Variants in EPS8L2 observed in about 807,000 individuals in gnomAD.
EPS8L2 encodes EPS8 signaling adaptor L2, also known as epidermal growth factor receptor kinase substrate 8-like protein 2.
A neutral mutation model predicts 99.4 loss-of-function variants in EPS8L2; 81 were observed. That is an observed-to-expected ratio of 0.82 (90% CI 0.68 to 0.98). EPS8L2 has a LOEUF of 0.98. Among genes scored for constraint, EPS8L2 ranks in the 50% least tolerant of loss-of-function variants. The pLI is 0.00. For synonymous variants in EPS8L2, 509 were observed against 407.3 expected, an observed-to-expected ratio of 1.25 and a Z score of -3.01; for missense variants, 1,155 against 968.8, an observed-to-expected ratio of 1.19 and a Z score of -2.55.
chr11:726,765 C>A lies in EPS8L2; in HGVS notation c.2067+14C>A. On this transcript the variant is annotated intron_variant, in intron 20 of 20. Transcript: ENST00000318562. ...GCCTTCCTGGAGGTGAGCCCGCCTG[C>A]GCTCCGGCGCCACGCCCCTCCTGCC... 1 of 1,584,520 alleles carries A rather than the reference C, an allele frequency of 6.3e-7. No individual in the cohort carries two copies. Among genetic ancestry groups the A allele is most frequent in the Non-Finnish European group, 8.6e-7 (1 of 1,167,056 alleles).
rs1862274532 is a variant in EPS8L2, at chr11:724,869, G to T, written c.1560+40G>T. Reference sequence around the variant, plus strand: ...GACGGGGTCCAAGAGGGGGAAACAGGGCAGGGCTTCAAGGGAGGGGCTACC... The same window carrying T: ...GACGGGGTCCAAGAGGGGGAAACAGTGCAGGGCTTCAAGGGAGGGGCTACC... On this transcript the variant is annotated intron_variant, in intron 16 of 20. Transcript: ENST00000318562. This position sits in a 1 kb window ranked among gnomAD's most constrained non-coding sequence, Gnocchi z 5.5. 1.3e-6 allele frequency: 2 copies of T among 1,496,054 alleles called. No homozygotes were observed. The highest frequency in any genetic ancestry group is 3.4e-5 in the Admixed American group (2 of 59,314). 92.7% of individuals were successfully genotyped at this position (1,496,054 alleles called of 1,614,324 possible).
chr11:720,464 C>T, intron 5 of EPS8L2, 133 bp from the exon 6 acceptor site: 3 of 1,413,560 alleles, frequency 2.1e-6, no homozygotes. Flanking sequence ...CGGGCCTAGT[C>T]CTCATCTTTG....
chr11:709,923 A>AG, intron 3 of EPS8L2: 1 of 475,926 alleles, frequency 2.1e-6, no homozygotes, highest in South Asian at 2.3e-5. Flanking sequence ...CTGCTCCAGG[A>AG]GGGGGGCCTG....
chr11:707,872 G>C (rs1272401495), intron 1 of EPS8L2, among the ~76,000 whole-genome samples: 2 of 152,144 alleles, frequency 1.3e-5, no homozygotes, highest in Admixed American at 1.3e-4. Context: ...CACGTGCCTG[G>C]CGCCCTTGGT....
intron 4 of EPS8L2, among the ~76,000 whole-genome samples, chr11:712,794 C>G (rs1861924392): frequency 6.6e-6 from 1 of 152,238 alleles, no homozygotes; most frequent in Non-Finnish European, 1.5e-5. Context: ...GCCCTCCCAG[C>G]AGCCTGGGCA....
At chr11:723,998 G>A (rs568094954) in intron 15 of EPS8L2, among the ~76,000 whole-genome samples, 3 of 152,264 alleles carry the variant, frequency 2.0e-5, no homozygotes, top group South Asian at 2.1e-4. Context: ...CCTGGCTCCC[G>A]TGGTCCCTGG....
At chr11:719,288 G>A (rs1242309655) in intron 4 of EPS8L2, among the ~76,000 whole-genome samples, 2 of 152,206 alleles carry the variant, frequency 1.3e-5, no homozygotes, top group African/African-American at 4.8e-5. Context: ...TATGTTTTGC[G>A]TTTTGTGGTT....
At chr11:721,827 G>A in intron 10 of EPS8L2, 76 bp from the exon 11 acceptor site, 1 of 1,515,640 alleles carries the variant, frequency 6.6e-7, no homozygotes, top group Non-Finnish European at 9.0e-7. Flanking sequence ...CCACACAGAT[G>A]GGCTGCGTGG....
At chr11:725,520 AAG>A (rs1862289243) in intron 16 of EPS8L2, among the ~76,000 whole-genome samples, 1 of 152,072 alleles carries the variant, frequency 6.6e-6, no homozygotes, top group Non-Finnish European at 1.5e-5. Context: ...CCGAGAAAAA[AAG>A]GGTCCCCCAG....
rs758150250 is a variant in EPS8L2, at chr11:726,499, G to A, written c.1934+15G>A. 74 of 1,540,088 alleles carry A rather than the reference G, an allele frequency of 4.8e-5. No homozygotes were observed. Among genetic ancestry groups the A allele is most frequent in the Non-Finnish European group, 6.1e-5 (70 of 1,142,388 alleles). On this transcript the variant is annotated intron_variant, in intron 19 of 20. Coordinates refer to ENST00000318562, the MANE Select transcript of EPS8L2 (RefSeq NM_022772.4). ...TTCAGCCCGCGGTGAGCGGGGGCGG[G>A]GGATGAGCTGGGGCCCGGGCGAGGG...
Position 727,138 on chromosome 11 carries a change from C to G in EPS8L2, c.*157C>G. 1.6e-6 allele frequency: 1 copy of G among 613,706 alleles called. No homozygotes were observed. The highest frequency in any genetic ancestry group is 2.9e-6 in the Non-Finnish European group (1 of 346,898). 38.0% of individuals were successfully genotyped at this position (613,706 alleles called of 1,614,324 possible). On this transcript the variant is annotated 3_prime_UTR_variant, in exon 21 of 21. Transcript: ENST00000318562. ...CCTGTCTGGAGGCACAACGCCCATC[C>G]TTAGGCCAAACAGTACCCAAGGCCT...
At chr11:713,738 G>T (rs1028572706) in intron 4 of EPS8L2, among the ~76,000 whole-genome samples, 10 of 152,230 alleles carry the variant, frequency 6.6e-5, no homozygotes, top group South Asian at 2.1e-4. Flanking sequence ...CAGAGATGGG[G>T]TTTCACCATG....
In EPS8L2 at chr11:722,482, C is replaced by G. The variant is rs377264227; in HGVS notation, c.1141C>G (p.Arg381Gly). 2 of 1,613,362 alleles carry G rather than the reference C, an allele frequency of 1.2e-6. No homozygotes were observed. The highest frequency in any genetic ancestry group is 1.7e-6 in the Non-Finnish European group (2 of 1,179,952). Residue 381 changes from arginine to glycine, a missense_variant, in exon 13 of 21, where the codon CGC becomes GGC. Arg to Gly is a moderately radical substitution (Grantham distance 125). Transcript: ENST00000318562. ...CTCCCGAGATGCCGTGGACTTCCTG[C>G]GCGGCCACCTGGTCCCTAAGGAGAT... ...LLSRDAVDFL[R>G]GHLVPKEMSL...
intron 10 of EPS8L2, 71 bp from the exon 11 acceptor site, chr11:721,832 G>A (rs1281120442): frequency 2.0e-6 from 3 of 1,530,494 alleles, no homozygotes; most frequent in Non-Finnish European, 1.8e-6. Flanking sequence ...CAGATGGGCT[G>A]CGTGGGACAG....
At chr11:706,578 C>G (rs975200131) in intron 1 of EPS8L2, 2 of 152,496 alleles carry the variant, frequency 1.3e-5, no homozygotes, top group Non-Finnish European at 2.9e-5. Flanking sequence ...TCACCTGCCC[C>G]GTCCTGCCCA....
intron 17 of EPS8L2, 24 bp from the exon 18 acceptor site, chr11:726,067 TGGGGAGC>T: frequency 7.0e-7 from 1 of 1,419,738 alleles, no homozygotes; most frequent in Non-Finnish European, 9.7e-7. Flanking sequence ...GGGCGGGGCG[TGGGGAGC>T]CTAATCGCCC....
Position 726,144 on chromosome 11 carries a change from C to A in EPS8L2, c.1727C>A (p.Pro576His). The A allele has an allele frequency of 1.9e-6, 3 of 1,609,256 alleles. No individual in the cohort carries two copies. Among genetic ancestry groups the A allele is most frequent in the Non-Finnish European group, 2.5e-6 (3 of 1,178,284 alleles). Reference sequence around the variant, plus strand: ...CCCGCCAGCCCGACCCACAAGCTACCCCCAAGCTTCCCGGGGAACAAAGAC... The same window carrying A: ...CCCGCCAGCCCGACCCACAAGCTACACCCAAGCTTCCCGGGGAACAAAGAC... ...WGPASPTHKL[P>H]PSFPGNKDEL... is the part of the protein sequence containing the mutation. Residue 576 changes from proline to histidine, a missense_variant, in exon 18 of 21, where the codon CCC (proline) becomes CAC (histidine). Pro to His is a moderately conservative substitution (Grantham distance 77). Coordinates refer to ENST00000318562, the MANE Select transcript of EPS8L2 (RefSeq NM_022772.4).
chr11:718,759 C>T (rs902177831), intron 4 of EPS8L2, among the ~76,000 whole-genome samples: 1 of 151,428 alleles, frequency 6.6e-6, no homozygotes, highest in African/African-American at 2.4e-5. Flanking sequence ...AGCTCCGCCT[C>T]CTGGGTTCAC....
intron 4 of EPS8L2, among the ~76,000 whole-genome samples, chr11:718,922 C>A (rs1468656061): frequency 2.6e-5 from 4 of 151,078 alleles, no homozygotes; most frequent in African/African-American, 9.7e-5. Flanking sequence ...CCCGCCTCGG[C>A]CTCCCAAAGT....
Sources: allele counts gnomAD v4.1 joint callset (sites outside exome capture counted in the v4.1 genomes callset), GRCh38; gene constraint gnomAD v4.1.1; non-coding constraint Gnocchi (gnomAD v3.1); transcripts MANE v1.5; gene names NCBI Gene and HGNC (gene_info 2026-07-23, HGNC 2026-07-21).